The following MSH5 variants were observed in gnomAD, a reference collection of about 807,000 sequenced individuals.
The protein encoded by MSH5 is mutS homolog 5, also known as mutS protein homolog 5.
A neutral mutation model predicts 107.7 loss-of-function variants in MSH5; 78 were observed. That is an observed-to-expected ratio of 0.72 (90% CI 0.60 to 0.87). The LOEUF is 0.87. MSH5 is among the 40% of genes least tolerant of loss of function. The probability of loss-of-function intolerance (pLI) is 0.00; values close to 1 mark genes in which losing one functional copy is unlikely to be tolerated. For synonymous variants in MSH5, 326 were observed against 399.5 expected, an observed-to-expected ratio of 0.82 and a Z score of 2.19; for missense variants, 889 against 1,046.6, an observed-to-expected ratio of 0.85 and a Z score of 2.08.
chr6:31,761,243 T>A lies in MSH5; in HGVS notation c.2018T>A (p.Phe673Tyr). The change falls in exon 21 of 25, where the codon TTT (phenylalanine) becomes TAT (tyrosine). Residue 673 changes from phenylalanine (F) to tyrosine (Y), a missense_variant. Phe to Tyr is a conservative substitution (Grantham distance 22, BLOSUM62 3). This residue lies in a region of MSH5 where 362 missense variants were observed against 456.2 expected (regional missense o/e 0.79). Coordinates refer to ENST00000375750, the MANE Select transcript of MSH5 (RefSeq NM_172166.4). This position sits in a 1 kb window ranked among gnomAD's most constrained non-coding sequence, Gnocchi z 5.3. ...TAQSLVLIDE[F>Y]GKGTNTVDGL... ...CAGTCGCTGGTCCTTATTGATGAAT[T>A]TGGAAAGGGAACCAACACGGTGAGG... The A allele has an allele frequency of 6.2e-7, 1 of 1,613,804 alleles. No homozygotes were observed. Among genetic ancestry groups the A allele is most frequent in the African/African-American group, 1.3e-5 (1 of 74,982 alleles).
chr6:31,751,218 G>C (rs1183769041), intron 10 of MSH5, among the ~76,000 whole-genome samples: 1 of 152,140 alleles, frequency 6.6e-6, no homozygotes, highest in Non-Finnish European at 1.5e-5. Flanking sequence ...GGATGGTCTT[G>C]ATCTCCTGAC....
Position 31,761,423 on chromosome 6 carries a change from C to A in MSH5, c.2038-49C>A. ...GAAAGGCAGTGCAAGTGCAGAGGGGCATATGGGGTCCCCATGGCTCCGAAT... is the reference window on the plus strand; with the variant it reads ...GAAAGGCAGTGCAAGTGCAGAGGGGAATATGGGGTCCCCATGGCTCCGAAT... On this transcript the variant is annotated intron_variant, in intron 21 of 24. Transcript: ENST00000375750. This position sits in a 1 kb window ranked among gnomAD's most constrained non-coding sequence, Gnocchi z 5.3. 6.2e-7 allele frequency: 1 copy of A among 1,609,850 alleles called. No homozygotes were observed.
chr6:31,761,916 G>A lies in MSH5; in HGVS notation c.2280G>A (p.Gln760=). Residue 760 remains glutamine, a synonymous_variant, in exon 23 of 25, where the codon CAG becomes CAA. Coordinates refer to ENST00000375750, the MANE Select transcript of MSH5 (RefSeq NM_172166.4). The surrounding 1 kb of genome is among the most constrained non-coding windows in gnomAD (Gnocchi z 5.3). ...GCCATGCCTCCCACACAGCTGCCCA[G>A]GCTGGGCTTCCTGACAAGCTTGTGG... The part of the protein sequence containing the change: ...KASHASHTAA[Q]AGLPDKLVAR... 1 of 1,613,856 alleles carries A rather than the reference G, an allele frequency of 6.2e-7. No homozygotes were observed.
Position 31,748,293 on chromosome 6 carries a change from C to G in MSH5, c.812+861C>G, listed in dbSNP as rs563855096. Among the ~76,000 whole-genome samples, 8 of 150,638 alleles carry G rather than the reference C, an allele frequency of 5.3e-5. No individual in the cohort carries two copies. The South Asian group carries it at 1.7e-3, about 32-fold the overall frequency. On this transcript the variant is annotated intron_variant, in intron 10 of 24. Coordinates refer to ENST00000375750, the MANE Select transcript of MSH5 (RefSeq NM_172166.4). ...TCAAGCCATGAACCTTGGATTGATG[C>G]TAGAAACAAAAAACCTGTCATTCCA...
rs200353701 is a variant in MSH5 at position 31,745,329 on chromosome 6, C to T, written c.766+10C>T. On this transcript the variant is annotated intron_variant, in intron 9 of 24. Coordinates refer to ENST00000375750, the MANE Select transcript of MSH5 (RefSeq NM_172166.4). Reference sequence around the variant, plus strand: ...GGGCTCAGCCTCTTTGGTAGGTGTGCCCCATCCCTCATCTCACATTACAAA... The same window carrying T: ...GGGCTCAGCCTCTTTGGTAGGTGTGTCCCATCCCTCATCTCACATTACAAA... 2.3e-5 allele frequency: 36 copies of T among 1,590,930 alleles called. No individual in the cohort carries two copies. The Admixed American group carries it at 3.7e-4, about 16-fold the overall frequency.
At chr6:31,741,829 A>C (rs926264091) in intron 3 of MSH5, among the ~76,000 whole-genome samples, 1 of 152,090 alleles carries the variant, frequency 6.6e-6, no homozygotes, top group Non-Finnish European at 1.5e-5. Context: ...AAAATTGGGC[A>C]TCTTCACTGG....
At position 31,743,663 on chromosome 6, in the gene MSH5, C is replaced by G. The variant is rs560716871; in HGVS notation, c.416-241C>G. 3.3e-5 allele frequency among the ~76,000 whole-genome samples: 5 copies of G among 152,312 alleles called. No individual in the cohort carries two copies. In the East Asian group the frequency reaches 9.6e-4, roughly 29 times the overall value. ...TCAATTCCAGACAGATGTCTACTTT[C>G]CTCAGCCATTTATCTTTCTCAGGCT... On this transcript the variant is annotated intron_variant, in intron 5 of 24. Coordinates refer to ENST00000375750, the MANE Select transcript of MSH5 (RefSeq NM_172166.4).
At chr6:31,742,750 G>A in intron 3 of MSH5, 127 bp from the exon 4 acceptor site, 1 of 826,818 alleles carries the variant, frequency 1.2e-6, no homozygotes, top group Non-Finnish European at 2.0e-6. Context: ...ACTGTGCAGA[G>A]CACTCCCTAC....
intron 10 of MSH5, among the ~76,000 whole-genome samples, chr6:31,749,917 G>A (rs984586609): frequency 1.3e-5 from 2 of 152,158 alleles, no homozygotes; most frequent in Non-Finnish European, 2.9e-5. Flanking sequence ...GCTGCAATAT[G>A]TATCTTGTAG....
intron 9 of MSH5, among the ~76,000 whole-genome samples, chr6:31,746,665 G>A (rs1375088947): frequency 6.6e-6 from 1 of 151,920 alleles, no homozygotes; most frequent in Non-Finnish European, 1.5e-5. Flanking sequence ...TGCCCAGGCT[G>A]GTCTCAAACT....
Position 31,761,988 on chromosome 6 carries a change from A to G in MSH5, c.2319+33A>G, listed in dbSNP as rs1485671704. 1.2e-6 allele frequency: 2 copies of G among 1,613,368 alleles called. No homozygotes were observed. Among genetic ancestry groups the G allele is most frequent in the Admixed American group, 3.3e-5 (2 of 59,964 alleles). ...GATCCAAATGTGCAACCACCTCCAC[A>G]TCAGAGCTCCCTTTCATTCCTAGTC... On this transcript the variant is annotated intron_variant, in intron 23 of 24. Coordinates refer to ENST00000375750, the MANE Select transcript of MSH5 (RefSeq NM_172166.4). The surrounding 1 kb of genome is among the most constrained non-coding windows in gnomAD (Gnocchi z 5.3).
intron 10 of MSH5, among the ~76,000 whole-genome samples, chr6:31,751,228 C>T (rs1165174562): frequency 1.3e-5 from 2 of 152,170 alleles, no homozygotes; most frequent in African/African-American, 2.4e-5. Context: ...GATCTCCTGA[C>T]CTCGTGACCC....
In MSH5 at chr6:31,743,466, GCCTTTTAT is replaced by G. The variant is rs371953827; in HGVS notation, c.415+298_415+305del. ...TTGGAATTCTCCCCATTAAGTTAAA[GCCTTTTAT>G]CACCAAACCAAAAGGCACTGCCTCA... On this transcript the variant is annotated intron_variant, in intron 5 of 24. Transcript: ENST00000375750. 349 of 510,790 alleles carry G rather than the reference GCCTTTTAT, an allele frequency of 6.8e-4. 3 individuals carry two copies. The highest frequency in any genetic ancestry group is 5.6e-3 in the African/African-American group (293 of 52,176). The allele number at this position is 510,790 out of a possible 1,614,324, so 31.6% of individuals were successfully genotyped here. A position where few individuals can be genotyped will look rare whatever the true frequency, so the allele number is the denominator to read the frequency against.
intron 5 of MSH5, 197 bp downstream of exon 5, chr6:31,743,367 C>T: frequency 1.6e-6 from 1 of 631,072 alleles, no homozygotes; most frequent in Non-Finnish European, 2.8e-6. Flanking sequence ...ATTGGGAAGC[C>T]TCTGCTTAAG....
intron 8 of MSH5, 44 bp from the exon 9 acceptor site, chr6:31,745,193 C>T (rs1461111505): frequency 8.1e-7 from 1 of 1,239,928 alleles, no homozygotes; most frequent in Non-Finnish European, 1.2e-6. Flanking sequence ...TTATTCCCTT[C>T]AAAAGTCCAA....
Position 31,761,630 on chromosome 6 carries a change from C to A in MSH5, c.2181+15C>A. On this transcript the variant is annotated intron_variant, in intron 22 of 24. Coordinates refer to ENST00000375750, the MANE Select transcript of MSH5 (RefSeq NM_172166.4). The surrounding 1 kb of genome is among the most constrained non-coding windows in gnomAD (Gnocchi z 5.3). ...TGCAGTATTTGGTGAGGAGACCAAT[C>A]TAGCTCCTCGGGGACCCCCAGGCTG... is the stretch of plus-strand genomic sequence containing the variant. The A allele has an allele frequency of 6.2e-7, 1 of 1,614,044 alleles. No homozygotes were observed. Among genetic ancestry groups the A allele is most frequent in the Non-Finnish European group, 8.5e-7 (1 of 1,180,020 alleles).
At chr6:31,745,765 GTTTT>G (rs9279404) in intron 9 of MSH5, among the ~76,000 whole-genome samples, 1 of 120,964 alleles carries the variant, frequency 8.3e-6, no homozygotes, top group Non-Finnish European at 1.6e-5. Flanking sequence ...TTGTGTCCAG[GTTTT>G]TTTTTTTTTT....
chr6:31,743,786 TG>T, intron 5 of MSH5, 117 bp from the exon 6 acceptor site: 1 of 1,433,250 alleles, frequency 7.0e-7, no homozygotes, highest in Non-Finnish European at 9.4e-7. Flanking sequence ...TTCCATTAAC[TG>T]CCTGTGTGAG....
intron 7 of MSH5, 26 bp downstream of exon 7, chr6:31,744,325 C>G: frequency 1.2e-6 from 2 of 1,613,508 alleles, no homozygotes; most frequent in Non-Finnish European, 1.7e-6. Flanking sequence ...CAACCCCAAC[C>G]AAAGTAATGT....
Sources: allele counts gnomAD v4.1 joint callset (sites outside exome capture counted in the v4.1 genomes callset), GRCh38; gene constraint gnomAD v4.1.1; regional missense constraint gnomAD v4.1.1; non-coding constraint Gnocchi (gnomAD v3.1); transcripts MANE v1.5; gene names NCBI Gene and HGNC (gene_info 2026-07-23, HGNC 2026-07-21).